The following CCDC66 variants were observed in gnomAD, a reference collection of about 807,000 sequenced individuals.
CCDC66 encodes coiled-coil domain-containing protein 66.
In CCDC66, 133 loss-of-function variants were observed where a neutral mutation model predicts 128.3. The observed-to-expected ratio is 1.04, with a 90% CI of 0.90 to 1.20. The LOEUF (loss-of-function observed/expected upper bound fraction) is 1.20, where lower values mean the gene tolerates loss of function less well. Among genes scored for constraint, CCDC66 ranks in the 50% most tolerant of loss-of-function variants. The pLI, the probability that CCDC66 is intolerant of heterozygous loss-of-function variation, is 0.00. For missense variants in CCDC66, 1,126 were observed against 1,075.5 expected (o/e 1.05, Z -0.66); for synonymous variants, 387 against 357.0 (o/e 1.08, Z -0.95).
Position 56,621,578 on chromosome 3 carries a change from T to C in CCDC66, c.2807T>C (p.Leu936Ser). Residue 936 changes from leucine to serine, a missense_variant, in exon 18 of 18, where the codon TTA becomes TCA. Coordinates refer to ENST00000394672, the MANE Select transcript of CCDC66 (RefSeq NM_001141947.3). ...GAGTTGGAAAGTAGTCTCCTGCCTT[T>C]AGCTGAAAATCAAGAAGAGAGTTTT... ...QKELESSLLP[L>S]AENQEESFGS... 6.2e-7 allele frequency: 1 copy of C among 1,601,842 alleles called. No individual in the cohort carries two copies. Among genetic ancestry groups the C allele is most frequent in the Non-Finnish European group, 8.5e-7 (1 of 1,174,702 alleles).
Position 56,617,248 on chromosome 3 carries a change from A to C in CCDC66, c.1980A>C (p.Gln660His). 2 of 1,614,074 alleles carry C rather than the reference A, an allele frequency of 1.2e-6. No homozygotes were observed. The highest frequency in any genetic ancestry group is 1.7e-6 in the Non-Finnish European group (2 of 1,179,996). ...AGTTTAGCACCAAGAAAAACAAGCA[A>C]GAACTAACTCAGGATAAAGGAGCCA... The part of the protein sequence containing the change: ...IGQFSTKKNK[Q>H]ELTQDKGASL... The change falls in exon 14 of 18, where the codon CAA becomes CAC. Residue 660 changes from glutamine to histidine, a missense_variant. By Grantham distance (24) the Gln-to-His change is conservative. Coordinates refer to ENST00000394672, the MANE Select transcript of CCDC66 (RefSeq NM_001141947.3).
At chr3:56,619,068 A>C in intron 15 of CCDC66, 1 of 462,522 alleles carries the variant, frequency 2.2e-6, no homozygotes, top group Non-Finnish European at 3.8e-6. Context: ...AAATACAGAA[A>C]CTAGCTGGGC....
Position 56,564,001 on chromosome 3 carries a change from C to T in CCDC66, c.420C>T (p.Ile140=). The T allele has an allele frequency of 6.2e-7, 1 of 1,613,962 alleles. No homozygotes were observed. The highest frequency in any genetic ancestry group is 8.5e-7 in the Non-Finnish European group (1 of 1,179,928). The change falls in exon 4 of 18, where the codon ATC becomes ATT. Residue 140 remains isoleucine, a synonymous_variant. Transcript: ENST00000394672. ...VGKQKPHKKH[I]TAENMKSSLV... is the part of the protein sequence containing the mutation. ...AACAGAAGCCTCACAAAAAACACAT[C>T]ACAGCTGAAAACATGAAGAGCAGTT...
At chr3:56,614,815 G>T in intron 11 of CCDC66, among the ~76,000 whole-genome samples, 1 of 152,016 alleles carries the variant, frequency 6.6e-6, no homozygotes, top group East Asian at 1.9e-4. Flanking sequence ...CGCAAGAAAT[G>T]GTCATAAATC....
At chr3:56,587,275 A>G (rs77004128) in intron 7 of CCDC66, among the ~76,000 whole-genome samples, 7,728 of 152,054 alleles carry the variant, frequency 0.051, 337 homozygotes, top group South Asian at 0.16. Flanking sequence ...ATAGGTTCAC[A>G]TTACATAGAA....
At chr3:56,583,278 G>C (rs150786272) in intron 7 of CCDC66, among the ~76,000 whole-genome samples, 4 of 151,908 alleles carry the variant, frequency 2.6e-5, no homozygotes, top group African/African-American at 7.2e-5. Flanking sequence ...AGAGCCCCTC[G>C]TATGGCATAG....
At chr3:56,579,949 A>G (rs1052425706) in intron 7 of CCDC66, among the ~76,000 whole-genome samples, 1 of 151,754 alleles carries the variant, frequency 6.6e-6, no homozygotes, top group African/African-American at 2.4e-5. Flanking sequence ...GCTGAGTTCA[A>G]TTCCTCGATA....
chr3:56,585,134 AGGGAGAGG>A (rs2069431102), intron 7 of CCDC66, among the ~76,000 whole-genome samples: 2 of 134,114 alleles, frequency 1.5e-5, no homozygotes, highest in Non-Finnish European at 3.3e-5. Flanking sequence ...AGGGAGAGGG[AGGGAGAGG>A]GAGAGGGAGA....
chr3:56,617,734 C>T, intron 14 of CCDC66, 129 bp downstream of exon 14: 1 of 1,155,442 alleles, frequency 8.7e-7, no homozygotes, highest in Non-Finnish European at 1.2e-6. Context: ...AACTATATCC[C>T]ATGGGCAAAT....
In CCDC66 at chr3:56,563,961, C is replaced by A; in HGVS notation, c.380C>A (p.Thr127Lys). 1 of 1,613,932 alleles carries A rather than the reference C, an allele frequency of 6.2e-7. No individual in the cohort carries two copies. Among genetic ancestry groups the A allele is most frequent in the Non-Finnish European group, 8.5e-7 (1 of 1,179,906 alleles). ...CAGAAGACTAGAAACACCGTAAATA[C>A]ATCTCTAGTAGGTAAACAGAAGCCT... ...NMQKTRNTVNTSLVGKQKPHK... is the reference protein window; with the variant it reads ...NMQKTRNTVNKSLVGKQKPHK... Residue 127 changes from threonine (T) to lysine (K), a missense_variant, in exon 4 of 18, where the codon ACA (threonine) becomes AAA (lysine). Coordinates refer to ENST00000394672, the MANE Select transcript of CCDC66 (RefSeq NM_001141947.3).
At chr3:56,557,379 G>T in intron 1 of CCDC66, 126 bp downstream of exon 1, 2 of 1,288,256 alleles carry the variant, frequency 1.6e-6, no homozygotes, top group Non-Finnish European at 2.1e-6. Context: ...GCGCCGCCGA[G>T]AGGGGCAGAG....
chr3:56,604,454 T>C (rs2073753402), intron 10 of CCDC66, among the ~76,000 whole-genome samples: 1 of 152,086 alleles, frequency 6.6e-6, no homozygotes, highest in Non-Finnish European at 1.5e-5. Flanking sequence ...CTTCAGGACC[T>C]CTTGTAAGGC....
At chr3:56,600,195 CTGGAGTGCAGTGG>C (rs1372717375) in intron 10 of CCDC66, among the ~76,000 whole-genome samples, 1 of 144,270 alleles carries the variant, frequency 6.9e-6, no homozygotes, top group Non-Finnish European at 1.5e-5. Flanking sequence ...TGTCGCCAGG[CTGGAGTGCAGTGG>C]TGCAATCTCA....
chr3:56,567,267 G>A (rs1272357483), intron 6 of CCDC66, among the ~76,000 whole-genome samples: 1 of 152,170 alleles, frequency 6.6e-6, no homozygotes, highest in African/African-American at 2.4e-5. Context: ...GTGCACGCCT[G>A]TAATCCCAGC....
At chr3:56,619,046 C>T (rs926820345) in intron 15 of CCDC66, 39 of 395,006 alleles carry the variant, frequency 9.9e-5, no homozygotes, top group Middle Eastern at 6.7e-4. Flanking sequence ...TGGTGAACCC[C>T]GTCTCTACTA....
chr3:56,607,646 A>C (rs2074258548), intron 10 of CCDC66, among the ~76,000 whole-genome samples: 2 of 152,098 alleles, frequency 1.3e-5, no homozygotes, highest in Non-Finnish European at 2.9e-5. Context: ...CTGTTGTCTG[A>C]TTGTTCTGGC....
chr3:56,579,621 A>AT (rs141681394), intron 7 of CCDC66, among the ~76,000 whole-genome samples: 126,931 of 151,654 alleles, frequency 0.84, 53,814 homozygotes, highest in Non-Finnish European at 0.91. Context: ...CTTTGTTCTC[A>AT]TGGTTTCAAA....
chr3:56,621,462 C>CTAGTT, intron 17 of CCDC66, 70 bp from the exon 18 acceptor site: 1 of 1,025,412 alleles, frequency 9.8e-7, no homozygotes, highest in Non-Finnish European at 1.4e-6. Context: ...GAATATAATT[C>CTAGTT]TAGTTTAACA....
At chr3:56,615,845 G>T in intron 12 of CCDC66, 77 bp from the exon 13 acceptor site, 1 of 1,239,586 alleles carries the variant, frequency 8.1e-7, no homozygotes, top group Non-Finnish European at 1.1e-6. Context: ...GAAAATTATT[G>T]TATTTAGTTG....
Sources: allele counts gnomAD v4.1 joint callset (sites outside exome capture counted in the v4.1 genomes callset), GRCh38; gene constraint gnomAD v4.1.1; transcripts MANE v1.5; gene names NCBI Gene and HGNC (gene_info 2026-07-23, HGNC 2026-07-21).